Variants in TNKS2 observed in about 807,000 individuals in gnomAD.
The protein encoded by TNKS2 is poly [ADP-ribose] polymerase tankyrase-2.
Under a neutral mutation model 137.6 loss-of-function variants are expected in TNKS2, and 72 were observed. The observed-to-expected ratio is 0.52, with a 90% confidence interval of 0.43 to 0.64. The LOEUF is 0.64. TNKS2 is among the 30% of genes least tolerant of loss of function. The pLI, the probability that TNKS2 is intolerant of heterozygous loss-of-function variation, is 0.00. For missense variants in TNKS2, 1,049 were observed against 1,410.2 expected (o/e 0.74, Z 4.10); for synonymous variants, 516 against 512.1 (o/e 1.01, Z -0.10).
chr10:91,812,739 T>TA (rs1291835710), intron 1 of TNKS2: 5 of 983,872 alleles, frequency 5.1e-6, no homozygotes, highest in Non-Finnish European at 6.0e-6. Flanking sequence ...TCTTTGAGGT[T>TA]AGCAGTAGTA....
At chr10:91,826,673 A>G (rs914903120) in intron 7 of TNKS2, among the ~76,000 whole-genome samples, 1 of 152,214 alleles carries the variant, frequency 6.6e-6, no homozygotes, top group East Asian at 1.9e-4. Flanking sequence ...TATCACAGAT[A>G]TATACATTTG....
intron 1 of TNKS2, among the ~76,000 whole-genome samples, chr10:91,799,512 C>G (rs750312648): frequency 6.6e-6 from 1 of 152,158 alleles, no homozygotes; most frequent in Non-Finnish European, 1.5e-5. Flanking sequence ...CACACACATA[C>G]AAGTTGGGCG....
At chr10:91,801,942 A>G (rs1844185906) in intron 1 of TNKS2, among the ~76,000 whole-genome samples, 1 of 152,204 alleles carries the variant, frequency 6.6e-6, no homozygotes, top group Admixed American at 6.5e-5. Context: ...CTTATTTCTA[A>G]AAAGTAAAGA....
At chr10:91,856,569 TTG>T (rs1266946844) in intron 23 of TNKS2, among the ~76,000 whole-genome samples, 2 of 151,884 alleles carry the variant, frequency 1.3e-5, no homozygotes, top group Non-Finnish European at 1.5e-5. Flanking sequence ...AGGAGAGAGG[TTG>T]TGTGTTTGAT....
intron 7 of TNKS2, among the ~76,000 whole-genome samples, chr10:91,825,050 C>G (rs2133622514): frequency 6.6e-6 from 1 of 152,130 alleles, no homozygotes; most frequent in Admixed American, 6.5e-5. Context: ...ACACTGGAAT[C>G]TGTGATTTTA....
At chr10:91,836,222 G>A (rs1025226183) in intron 12 of TNKS2, among the ~76,000 whole-genome samples, 1 of 151,608 alleles carries the variant, frequency 6.6e-6, no homozygotes, top group Non-Finnish European at 1.5e-5. Flanking sequence ...TTTTCCAAAT[G>A]CCAATTTTCT....
intron 24 of TNKS2, among the ~76,000 whole-genome samples, chr10:91,857,930 C>T (rs1842753990): frequency 6.6e-6 from 1 of 152,154 alleles, no homozygotes; most frequent in East Asian, 1.9e-4. Context: ...CAAACCCACA[C>T]AATTTGAAAA....
In TNKS2 at chr10:91,831,097, T is replaced by TC. The variant is rs746151161; in HGVS notation, c.1197-5dup. ...TTCACTGTCTGGCTGATTTTTTCTC[T>TC]CTAAGATTCTTGACTCCTCTGCACG... On this transcript the variant is annotated splice_polypyrimidine_tract_variant and splice_region_variant and intron_variant, in intron 10 of 26. Coordinates refer to ENST00000371627, the MANE Select transcript of TNKS2 (RefSeq NM_025235.4). 7.4e-6 allele frequency: 12 copies of TC among 1,613,980 alleles called. No individual in the cohort carries two copies. The highest frequency in any genetic ancestry group is 1.0e-5 in the Non-Finnish European group (12 of 1,179,902).
At position 91,839,012 on chromosome 10, in the gene TNKS2, C is replaced by T. The variant is rs150738350; in HGVS notation, c.1528-1549C>T. Among the ~76,000 whole-genome samples, 755 of 152,192 alleles carry T rather than the reference C, an allele frequency of 5.0e-3. 6 individuals carry two copies. The highest frequency in any genetic ancestry group is 0.017 in the African/African-American group (708 of 41,544). On this transcript the variant is annotated intron_variant, in intron 13 of 26. Coordinates refer to ENST00000371627, the MANE Select transcript of TNKS2 (RefSeq NM_025235.4). The stretch of plus-strand genomic sequence containing the variant: ...CCTCCCGAGTAGCTGGCATTACAGG[C>T]GCCCGCCACCACGCCCAGATAATTT...
chr10:91,828,681 A>G (rs1449813468), intron 9 of TNKS2, among the ~76,000 whole-genome samples: 87 of 152,208 alleles, frequency 5.7e-4, no homozygotes, highest in Non-Finnish European at 7.4e-5. Context: ...ATCATAAGTG[A>G]TACATATAGT....
rs1842179763 is a variant in TNKS2, at chr10:91,840,552, G to C, written c.1528-9G>C. 6.2e-7 allele frequency: 1 copy of C among 1,609,438 alleles called. No individual in the cohort carries two copies. On this transcript the variant is annotated splice_polypyrimidine_tract_variant and intron_variant, in intron 13 of 26. Transcript: ENST00000371627. ...TGTAGTATCATGTATGTTGTGTTTT[G>C]TCCTTCAGAAACTGTGTACTGTTCA...
intron 25 of TNKS2, among the ~76,000 whole-genome samples, chr10:91,861,258 G>A (rs1004851103): frequency 6.6e-6 from 1 of 152,146 alleles, no homozygotes; most frequent in African/African-American, 2.4e-5. Context: ...AAATTCTGTG[G>A]ATGGGGACCA....
rs1455493320 is a variant in TNKS2, at chr10:91,812,917, G to A, written c.200-66G>A. On this transcript the variant is annotated intron_variant, in intron 1 of 26. Coordinates refer to ENST00000371627, the MANE Select transcript of TNKS2 (RefSeq NM_025235.4). ...CAACCTGAAACATTTTAGTATGGAT[G>A]GTACTTATCTAATTTGATATCTTTT... The A allele has an allele frequency of 9.6e-6, 15 of 1,564,406 alleles. No individual in the cohort carries two copies. In the Admixed American group the frequency reaches 2.3e-4, roughly 24 times the overall value.
At chr10:91,826,729 C>T (rs1185083034) in intron 7 of TNKS2, among the ~76,000 whole-genome samples, 2 of 152,018 alleles carry the variant, frequency 1.3e-5, no homozygotes, top group Non-Finnish European at 2.9e-5. Flanking sequence ...TCAGCTATAC[C>T]GCAAGAGGAG....
chr10:91,841,055 G>A (rs935131633), intron 14 of TNKS2, among the ~76,000 whole-genome samples: 1 of 152,014 alleles, frequency 6.6e-6, no homozygotes, highest in Non-Finnish European at 1.5e-5. Context: ...TCTAGACGTT[G>A]CATATATGGA....
Position 91,855,605 on chromosome 10 carries a change from T to G in TNKS2, c.2914-9T>G. ...AATGCACATATATTTCAAACCATTT[T>G]TCTGACAGATGCAAAGTACAGTTCG... On this transcript the variant is annotated splice_polypyrimidine_tract_variant and intron_variant, in intron 22 of 26. Transcript: ENST00000371627. The G allele has an allele frequency of 5.6e-6, 9 of 1,607,638 alleles. No homozygotes were observed. Among genetic ancestry groups the G allele is most frequent in the Non-Finnish European group, 7.6e-6 (9 of 1,177,020 alleles).
Position 91,819,556 on chromosome 10 carries a change from A to C in TNKS2, c.632A>C (p.Lys211Thr), listed in dbSNP as rs575879112. 6.3e-7 allele frequency: 1 copy of C among 1,585,238 alleles called. No homozygotes were observed. The change falls in exon 5 of 27, where the codon AAG becomes ACG. Residue 211 changes from lysine (K) to threonine (T), a missense_variant and splice_region_variant. Physicochemically the swap from Lys to Thr is moderately conservative, Grantham distance 78. Around this residue, in one of 6 missense-constraint regions of TNKS2, gnomAD observed 374 missense variants for 460.8 expected, o/e 0.81. Coordinates refer to ENST00000371627, the MANE Select transcript of TNKS2 (RefSeq NM_025235.4). ...AACTGCCACGCAAGTGATGGCAGAAAGGTACTTCCTTTTGCAACTGAGTTT... is the reference window on the plus strand; with the variant it reads ...AACTGCCACGCAAGTGATGGCAGAACGGTACTTCCTTTTGCAACTGAGTTT... ...NVNCHASDGR[K>T]STPLHLAAGY...
At position 91,807,201 on chromosome 10, in the gene TNKS2, T is replaced by G. The variant is rs1241647876; in HGVS notation, c.200-5782T>G. 1.4e-5 allele frequency: 22 copies of G among 1,607,676 alleles called. No homozygotes were observed. In the South Asian group the frequency reaches 2.0e-4, roughly 14 times the overall value. On this transcript the variant is annotated intron_variant, in intron 1 of 26. Coordinates refer to ENST00000371627, the MANE Select transcript of TNKS2 (RefSeq NM_025235.4). ...CATTCACTCAGTTTCCATGGTAACA[T>G]TGCGGGCTTCCTTGGCTACCATAAG...
At chr10:91,837,615 T>C (rs1306699394) in intron 13 of TNKS2, among the ~76,000 whole-genome samples, 1 of 152,180 alleles carries the variant, frequency 6.6e-6, no homozygotes, top group East Asian at 1.9e-4. Flanking sequence ...ATCCCAGCAC[T>C]TCGTGAGGCT....
Sources: allele counts gnomAD v4.1 joint callset (sites outside exome capture counted in the v4.1 genomes callset), GRCh38; gene constraint gnomAD v4.1.1; regional missense constraint gnomAD v4.1.1; transcripts MANE v1.5; gene names NCBI Gene and HGNC (gene_info 2026-07-23, HGNC 2026-07-21).